The following LETM2 variants were observed in gnomAD, a reference collection of about 807,000 sequenced individuals.
LETM2 encodes LETM1 domain-containing protein LETM2, mitochondrial.
In LETM2, 58 loss-of-function variants were observed where a neutral mutation model predicts 59.6. The observed-to-expected ratio is 0.97, with a 90% CI of 0.79 to 1.21. The LOEUF is 1.21. Among genes scored for constraint, LETM2 ranks in the 50% most tolerant of loss-of-function variants. The pLI is 0.00. For missense variants in LETM2, 572 were observed against 575.7 expected, an observed-to-expected ratio of 0.99 and a Z score of 0.07; for synonymous variants, 199 against 214.1, an observed-to-expected ratio of 0.93 and a Z score of 0.62.
At chr8:38,408,085 G>A (rs992781404) in intron 10 of LETM2, 127 bp from the exon 11 acceptor site, 1 of 683,126 alleles carries the variant, frequency 1.5e-6, no homozygotes, top group African/African-American at 1.8e-5. Context: ...TTATTACCAA[G>A]GTAAATTATA....
chr8:38,399,915 C>T (rs1813037386), intron 4 of LETM2, among the ~76,000 whole-genome samples: 1 of 151,988 alleles, frequency 6.6e-6, no homozygotes, highest in Non-Finnish European at 1.5e-5. Flanking sequence ...CACTGCACCC[C>T]AGCCTGGGCA....
At chr8:38,400,225 T>C in intron 4 of LETM2, 47 bp from the exon 5 acceptor site, 5 of 1,491,104 alleles carry the variant, frequency 3.4e-6, no homozygotes, top group Non-Finnish European at 3.7e-6. Flanking sequence ...TATCTACCAA[T>C]TTACAATCAC....
In LETM2 at chr8:38,408,247, C is replaced by G. The variant is rs1276312479; in HGVS notation, c.1449C>G (p.Asn483Lys). 3 of 1,613,172 alleles carry G rather than the reference C, an allele frequency of 1.9e-6. No individual in the cohort carries two copies. The highest frequency in any genetic ancestry group is 3.3e-5 in the Admixed American group (2 of 59,874). Residue 483 changes from asparagine to lysine, a missense_variant, in exon 11 of 11, where the codon AAC becomes AAG. Transcript: ENST00000379957. ...LQAKSQMTAQ[N>K]SKASSKGA is the part of the protein sequence containing the mutation. ...CCAAATCACAAATGACGGCCCAGAA[C>G]AGCAAGGCTAGTTCAAAAGGAGCAT...
chr8:38,387,052 G>A (rs1286657716), intron 1 of LETM2: 1 of 152,278 alleles, frequency 6.6e-6, no homozygotes, highest in Non-Finnish European at 1.5e-5. Context: ...GGGAGCCCGG[G>A]AGCAGCGGGC....
In LETM2 at chr8:38,407,467, A is replaced by C; in HGVS notation, c.1413+4A>C. 6.5e-7 allele frequency: 1 copy of C among 1,550,056 alleles called. No individual in the cohort carries two copies. Among genetic ancestry groups the C allele is most frequent in the Non-Finnish European group, 8.9e-7 (1 of 1,122,420 alleles). On this transcript the variant is annotated splice_donor_region_variant and intron_variant, in intron 10 of 10. Transcript: ENST00000379957. ...CATCACTTCTTCTGAAGAACCTGTAAGTATCTTTAATAAATGAAAAAGAAA... is the reference window on the plus strand; with the variant it reads ...CATCACTTCTTCTGAAGAACCTGTACGTATCTTTAATAAATGAAAAAGAAA...
chr8:38,398,425 G>A (rs1173264668), intron 4 of LETM2, among the ~76,000 whole-genome samples: 4 of 152,122 alleles, frequency 2.6e-5, no homozygotes, highest in Admixed American at 6.5e-5. Flanking sequence ...GAAAATTCTT[G>A]TTTGCTTTGT....
At chr8:38,405,659 G>C (rs928837804) in intron 8 of LETM2, among the ~76,000 whole-genome samples, 3 of 152,194 alleles carry the variant, frequency 2.0e-5, no homozygotes, top group African/African-American at 7.2e-5. Flanking sequence ...TCAGAGTATA[G>C]ACCATGTTCT....
Position 38,402,519 on chromosome 8 carries a change from T to C in LETM2, c.985-6T>C. On this transcript the variant is annotated splice_polypyrimidine_tract_variant and splice_region_variant and intron_variant, in intron 6 of 10. Transcript: ENST00000379957. ...GTTCCAACTCCATCCCTTACATTTC[T>C]TTCAGATAATTGCCAAGGAAGGGGT... 1 of 1,613,836 alleles carries C rather than the reference T, an allele frequency of 6.2e-7. No individual in the cohort carries two copies. Among genetic ancestry groups the C allele is most frequent in the Non-Finnish European group, 8.5e-7 (1 of 1,179,732 alleles).
At chr8:38,391,390 C>T (rs2150415552) in intron 2 of LETM2, among the ~76,000 whole-genome samples, 1 of 148,976 alleles carries the variant, frequency 6.7e-6, no homozygotes, top group Non-Finnish European at 1.5e-5. Flanking sequence ...GCAACCTCTG[C>T]CTCCCAGGTT....
At chr8:38,400,818 C>A in intron 5 of LETM2, 35 bp from the exon 6 acceptor site, 1 of 1,570,128 alleles carries the variant, frequency 6.4e-7, no homozygotes, top group Non-Finnish European at 8.7e-7. Flanking sequence ...AAGTAGAAAA[C>A]ACATTTTAAT....
intron 10 of LETM2, 112 bp downstream of exon 10, chr8:38,407,575 C>T: frequency 1.4e-6 from 1 of 725,996 alleles, no homozygotes; most frequent in South Asian, 1.7e-5. Flanking sequence ...CACAATTCTT[C>T]CTGTTGTCCA....
chr8:38,391,177 G>A (rs1812211195), intron 2 of LETM2, among the ~76,000 whole-genome samples: 1 of 93,944 alleles, frequency 1.1e-5, no homozygotes, highest in Non-Finnish European at 1.9e-5. Context: ...GACTCCTCCT[G>A]TCTCAAAAAA....
intron 4 of LETM2, among the ~76,000 whole-genome samples, chr8:38,399,799 AGC>A (rs1813022155): frequency 1.4e-5 from 2 of 142,778 alleles, no homozygotes; most frequent in Non-Finnish European, 3.1e-5. Context: ...AAAAAAAATT[AGC>A]CAGGTGTGGT....
upstream of LETM2, chr8:38,386,167 A>G (rs1811766345): frequency 6.6e-6 from 1 of 152,244 alleles, no homozygotes; most frequent in Non-Finnish European, 1.5e-5. Flanking sequence ...TACCATGGCG[A>G]CTATCAGACA....
At position 38,409,160 on chromosome 8, in the gene LETM2, T is replaced by TA. The variant is rs1290743163; in HGVS notation, c.*887dup. On this transcript the variant is annotated 3_prime_UTR_variant, in exon 11 of 11. Transcript: ENST00000379957. Reference sequence around the variant, plus strand: ...AGTATTAATAATATGAAATAATAGATAGACTGCCATGCAGCTGACCAAGGG... The same window carrying TA: ...AGTATTAATAATATGAAATAATAGATAAGACTGCCATGCAGCTGACCAAGGG... 6.6e-6 allele frequency: 1 copy of TA among 152,212 alleles called. No individual in the cohort carries two copies. The highest frequency in any genetic ancestry group is 1.5e-5 in the Non-Finnish European group (1 of 68,026). The allele number at this position is 152,212 out of a possible 1,614,324, so 9.4% of individuals were successfully genotyped here.
Position 38,396,621 on chromosome 8 carries a change from C to G in LETM2, c.645+2380C>G, listed in dbSNP as rs536568689. 3.3e-5 allele frequency among the ~76,000 whole-genome samples: 5 copies of G among 152,200 alleles called. No individual in the cohort carries two copies. In the East Asian group the frequency reaches 9.6e-4, roughly 29 times the overall value. The stretch of plus-strand genomic sequence containing the variant: ...TTAACTGTCAAAAGAACAAAGAGAA[C>G]AGGCTGGATGCAGTGGCTCATCTCT... On this transcript the variant is annotated intron_variant, in intron 4 of 10. Coordinates refer to ENST00000379957, the MANE Select transcript of LETM2 (RefSeq NM_001286819.2).
At chr8:38,403,457 G>A (rs1813422143) in intron 7 of LETM2, among the ~76,000 whole-genome samples, 1 of 152,252 alleles carries the variant, frequency 6.6e-6, no homozygotes, top group Non-Finnish European at 1.5e-5. Context: ...ACTTTGCCTG[G>A]TGGCCCACCT....
In LETM2 at chr8:38,400,974, A is replaced by G. The variant is rs779590451; in HGVS notation, c.905A>G (p.Glu302Gly). 4 of 1,614,152 alleles carry G rather than the reference A, an allele frequency of 2.5e-6. No individual in the cohort carries two copies. In the South Asian group the frequency reaches 3.3e-5, roughly 13 times the overall value. Residue 302 changes from glutamate (E) to glycine (G), a missense_variant, in exon 6 of 11, where the codon GAA becomes GGA. Glu to Gly is a moderately conservative substitution (Grantham distance 98). Transcript: ENST00000379957. ...PQLVALCKLL[E>G]LQTFGTNNLL... ...CTGGTTGCCCTTTGCAAACTGCTGG[A>G]ATTGCAGACATTTGGAACCAACAAC... is the stretch of plus-strand genomic sequence containing the variant.
chr8:38,397,681 G>A (rs1009569729), intron 4 of LETM2, among the ~76,000 whole-genome samples: 1 of 152,162 alleles, frequency 6.6e-6, no homozygotes, highest in Non-Finnish European at 1.5e-5. Flanking sequence ...GGGAACGTTT[G>A]AAGCAGGGTA....
Sources: gnomAD v4.1 joint callset for allele counts (sites outside exome capture counted in the v4.1 genomes callset) on GRCh38, gnomAD v4.1.1 for gene constraint, MANE v1.5 for transcripts, NCBI Gene and HGNC (gene_info 2026-07-23, HGNC 2026-07-21) for gene names.